The following DAB1 variants were observed in gnomAD, a reference collection of about 807,000 sequenced individuals.
DAB1 encodes disabled homolog 1.
In DAB1, 15 loss-of-function variants were observed where a neutral mutation model predicts 64.6. The ratio of observed to expected loss-of-function variants is 0.23; its 90% CI spans 0.16 to 0.36. The LOEUF (loss-of-function observed/expected upper bound fraction) is 0.36. Among genes scored for constraint, DAB1 ranks in the 10% least tolerant of loss-of-function variants. The pLI, the probability that DAB1 is intolerant of heterozygous loss-of-function variation, is 1.00. For missense variants in DAB1, 596 were observed against 706.7 expected, an observed-to-expected ratio of 0.84 and a Z score of 1.78; for synonymous variants, 235 against 251.9, an observed-to-expected ratio of 0.93 and a Z score of 0.64.
intron 6 of DAB1, among the ~76,000 whole-genome samples, chr1:57,667,797 A>G (rs911706763): frequency 4.6e-5 from 7 of 152,106 alleles, no homozygotes; most frequent in African/African-American, 1.4e-4. Context: ...AACGCTGCAT[A>G]TCCTCACTCA....
At chr1:57,368,147 C>T (rs1164516061) in intron 1 of DAB1, among the ~76,000 whole-genome samples, 1 of 152,220 alleles carries the variant, frequency 6.6e-6, no homozygotes. Context: ...GCCCCTGACA[C>T]CTCAGCCCCC....
chr1:57,513,934 T>C (rs894682407), intron 7 of DAB1, among the ~76,000 whole-genome samples: 1 of 152,168 alleles, frequency 6.6e-6, no homozygotes, highest in Admixed American at 6.5e-5. Context: ...CACATGTAAG[T>C]GAGATCATGT....
intron 2 of DAB1, among the ~76,000 whole-genome samples, chr1:57,201,413 C>T (rs1357403960): frequency 2.0e-5 from 3 of 152,010 alleles, no homozygotes; most frequent in Non-Finnish European, 2.9e-5. Context: ...AGCCTTCTCT[C>T]GGTGTCTGAG....
intron 6 of DAB1, among the ~76,000 whole-genome samples, chr1:57,697,880 C>T (rs1266218608): frequency 6.6e-6 from 1 of 152,122 alleles, no homozygotes; most frequent in African/African-American, 2.4e-5. Flanking sequence ...ACAGGAAAAA[C>T]CCCAATCTCC....
intron 1 of DAB1, among the ~76,000 whole-genome samples, chr1:57,309,710 C>T (rs530790568): frequency 6.6e-6 from 1 of 151,674 alleles, no homozygotes; most frequent in Non-Finnish European, 1.5e-5. Flanking sequence ...GAGCTCTACT[C>T]AGAGATGAAA....
chr1:57,988,390 A>G (rs1303148941), intron 5 of DAB1, among the ~76,000 whole-genome samples: 1 of 152,186 alleles, frequency 6.6e-6, no homozygotes, highest in Non-Finnish European at 1.5e-5. Context: ...TTCCTCACCT[A>G]TAAAATGGGG....
chr1:57,541,052 C>T (rs1023672424), intron 7 of DAB1, among the ~76,000 whole-genome samples: 3 of 152,066 alleles, frequency 2.0e-5, no homozygotes, highest in Admixed American at 6.5e-5. Context: ...GATCATGACA[C>T]GTTCTATGCA....
At chr1:57,315,501 A>C (rs889869702) in intron 1 of DAB1, among the ~76,000 whole-genome samples, 2 of 152,004 alleles carry the variant, frequency 1.3e-5, no homozygotes, top group Non-Finnish European at 2.9e-5. Context: ...AAGCTTACCT[A>C]TTATATGATC....
Position 57,023,631 on chromosome 1 carries a change from T to G in DAB1, c.795A>C (p.Ala265=). ...PPDITSPPTP[A]TPGDAFIPSS... is the part of the protein sequence containing the mutation. ...ATGGGATAAAGGCATCACCTGGAGT[T>G]GCAGGAGTCTGCCAGACAGAGAGAG... The change falls in exon 11 of 15, where the codon GCA becomes GCC. Residue 265 remains alanine, a synonymous_variant. Transcript: ENST00000371236. 6.2e-7 allele frequency: 1 copy of G among 1,607,014 alleles called. No homozygotes were observed. Among genetic ancestry groups the G allele is most frequent in the South Asian group, 1.1e-5 (1 of 89,636 alleles).
intron 6 of DAB1, among the ~76,000 whole-genome samples, chr1:57,741,268 T>C (rs1647977841): frequency 6.6e-6 from 1 of 152,200 alleles, no homozygotes; most frequent in Non-Finnish European, 1.5e-5. Context: ...AAATATCAAT[T>C]ATTAATATTA....
intron 7 of DAB1, among the ~76,000 whole-genome samples, chr1:57,548,057 TTGCC>T (rs1644875141): frequency 6.6e-6 from 1 of 152,202 alleles, no homozygotes; most frequent in South Asian, 2.1e-4. Flanking sequence ...TCTTATATCA[TTGCC>T]TATTATCTGT....
In DAB1 at chr1:57,057,122, C is replaced by T. The variant is rs17114892; in HGVS notation, c.723+5762G>A. 8.4e-3 allele frequency among the ~76,000 whole-genome samples: 1,283 copies of T among 152,082 alleles called. 17 individuals are homozygous for T. Among genetic ancestry groups the T allele is most frequent in the African/African-American group, 0.029 (1,223 of 41,494 alleles). On this transcript the variant is annotated intron_variant, in intron 9 of 14. Coordinates refer to ENST00000371236, the MANE Select transcript of DAB1 (RefSeq NM_001365792.1). Reference sequence around the variant, plus strand: ...TCAAGGGATGAGGGTCATGAAATTGCGAGGCCAGGTTACTAAATGGGCTGT... The same window carrying T: ...TCAAGGGATGAGGGTCATGAAATTGTGAGGCCAGGTTACTAAATGGGCTGT...
At chr1:57,695,180 C>T (rs1303095063) in intron 6 of DAB1, among the ~76,000 whole-genome samples, 11 of 150,594 alleles carry the variant, frequency 7.3e-5, no homozygotes, top group African/African-American at 1.7e-4. Flanking sequence ...GCTAAGATCT[C>T]GCCACTGTAT....
Position 57,229,937 on chromosome 1 carries a change from G to A in DAB1, c.67+61027C>T, listed in dbSNP as rs373127181. Among the ~76,000 whole-genome samples the A allele has an allele frequency of 1.1e-4, 17 of 152,306 alleles. No homozygotes were observed. The South Asian group carries it at 3.5e-3, about 32-fold the overall frequency. ...TCCCCAATCAACAGTAGGGAAATAT[G>A]CAAGATACTGGCTACTGTTGAAGAG... is the stretch of plus-strand genomic sequence containing the variant. On this transcript the variant is annotated intron_variant, in intron 2 of 14. Coordinates refer to ENST00000371236, the MANE Select transcript of DAB1 (RefSeq NM_001365792.1).
At chr1:57,064,447 T>C (rs1650707971) in intron 8 of DAB1, among the ~76,000 whole-genome samples, 1 of 152,202 alleles carries the variant, frequency 6.6e-6, no homozygotes, top group African/African-American at 2.4e-5. Context: ...GTGTCTTACA[T>C]ACATTCTCAT....
intron 6 of DAB1, among the ~76,000 whole-genome samples, chr1:57,725,585 A>G (rs541257362): frequency 4.7e-4 from 71 of 152,192 alleles, no homozygotes; most frequent in African/African-American, 1.5e-3. Context: ...GACAGCTGAC[A>G]CTACTTCACA....
chr1:58,314,219 C>G (rs2100477542), intron 4 of DAB1, among the ~76,000 whole-genome samples: 1 of 152,188 alleles, frequency 6.6e-6, no homozygotes, highest in East Asian at 1.9e-4. Flanking sequence ...GTCTCATGCC[C>G]ATACAACAGG....
At chr1:58,184,130 G>T (rs1291256565) in intron 4 of DAB1, among the ~76,000 whole-genome samples, 1 of 151,900 alleles carries the variant, frequency 6.6e-6, no homozygotes, top group African/African-American at 2.4e-5. Flanking sequence ...GAGAAGTCCT[G>T]TACTTGTTCA....
chr1:57,176,626 T>C (rs1389362472), intron 2 of DAB1, among the ~76,000 whole-genome samples: 1 of 152,160 alleles, frequency 6.6e-6, no homozygotes, highest in Non-Finnish European at 1.5e-5. Flanking sequence ...CTTTTCTTGG[T>C]ACATGATATG....
Sources: gnomAD v4.1 joint callset for allele counts (sites outside exome capture counted in the v4.1 genomes callset) on GRCh38, gnomAD v4.1.1 for gene constraint, MANE v1.5 for transcripts, NCBI Gene and HGNC (gene_info 2026-07-23, HGNC 2026-07-21) for gene names.